CAMTA1: variants seen among roughly 807,000 people sequenced by gnomAD.
CAMTA1 encodes calmodulin-binding transcription activator 1.
CAMTA1 carries 27 observed loss-of-function variants against 170.9 expected under a neutral mutation model. The ratio of observed to expected loss-of-function variants is 0.16; its 90% CI spans 0.12 to 0.22. The LOEUF (loss-of-function observed/expected upper bound fraction) is 0.22. Ranked by LOEUF, CAMTA1 falls within the 10% of genes least tolerant of loss-of-function variation. The pLI is 1.00. For missense variants in CAMTA1, 1,619 were observed against 2,217.2 expected, an observed-to-expected ratio of 0.73 and a Z score of 5.42; for synonymous variants, 833 against 891.5, an observed-to-expected ratio of 0.93 and a Z score of 1.17.
chr1:7,147,567 TCA>T (rs1646283496), intron 4 of CAMTA1, among the ~76,000 whole-genome samples: 1 of 140,934 alleles, frequency 7.1e-6, no homozygotes, highest in Non-Finnish European at 1.5e-5. Flanking sequence ...CAAACATACA[TCA>T]CACACACGCA....
chr1:7,677,613 C>G lies in CAMTA1; in HGVS notation c.2794C>G (p.Leu932Val). Residue 932 changes from leucine (L) to valine (V), a missense_variant, in exon 11 of 23, where the codon CTT becomes GTT. Around this residue, in one of 8 missense-constraint regions of CAMTA1, gnomAD observed 143 missense variants for 184.2 expected, o/e 0.78. Coordinates refer to ENST00000303635, the MANE Select transcript of CAMTA1 (RefSeq NM_015215.4). ...CTCGCTTTCAGCCCATGACACTGGT[C>G]TTGTGACCCTACAAGTTGCCTTCAA... ...RCYCPAHDTG[L>V]VTLQVAFNNQ... 1 of 1,614,084 alleles carries G rather than the reference C, an allele frequency of 6.2e-7. No homozygotes were observed. The highest frequency in any genetic ancestry group is 1.3e-5 in the African/African-American group (1 of 75,058).
chr1:7,383,664 G>C (rs1306313227), intron 5 of CAMTA1, among the ~76,000 whole-genome samples: 1 of 152,170 alleles, frequency 6.6e-6, no homozygotes, highest in East Asian at 1.9e-4. Context: ...TGGTGATCAT[G>C]GTCATGGTGG....
chr1:6,891,804 A>T (rs1674553858), intron 3 of CAMTA1, among the ~76,000 whole-genome samples: 1 of 152,266 alleles, frequency 6.6e-6, no homozygotes, highest in Admixed American at 6.5e-5. Context: ...AAATAGTAGC[A>T]GCTCAGATTT....
intron 3 of CAMTA1, among the ~76,000 whole-genome samples, chr1:7,090,177 A>G (rs747046781): frequency 1.3e-5 from 2 of 152,106 alleles, no homozygotes; most frequent in Admixed American, 6.5e-5. Context: ...TTTGGACTGC[A>G]TGGCATCAGG....
Position 7,511,016 on chromosome 1 carries a change from T to G in CAMTA1, c.510+43115T>G, listed in dbSNP as rs1448489888. On this transcript the variant is annotated intron_variant, in intron 6 of 22. Coordinates refer to ENST00000303635, the MANE Select transcript of CAMTA1 (RefSeq NM_015215.4). The stretch of plus-strand genomic sequence containing the variant: ...CTTCGAGCCTCCCCTCTTTAAACTC[T>G]CCGTGTGTGTTACTCCTTCGGCACT... Among the ~76,000 whole-genome samples the G allele has an allele frequency of 1.4e-5, 2 of 144,598 alleles. 1 individual carries two copies. The highest frequency in any genetic ancestry group is 3.1e-5 in the Non-Finnish European group (2 of 64,552). 94.9% of individuals were successfully genotyped at this position (144,598 alleles called of 152,430 possible).
intron 1 of CAMTA1, among the ~76,000 whole-genome samples, chr1:6,810,602 C>G (rs954518543): frequency 6.6e-6 from 1 of 152,088 alleles, no homozygotes; most frequent in African/African-American, 2.4e-5. Flanking sequence ...GTCAGGAGAT[C>G]GAGACCATCT....
At chr1:7,149,164 T>G (rs1393928180) in intron 4 of CAMTA1, among the ~76,000 whole-genome samples, 1 of 152,208 alleles carries the variant, frequency 6.6e-6, no homozygotes, top group Non-Finnish European at 1.5e-5. Context: ...AAACTGCCAC[T>G]GAGTGGAGAG....
Position 7,565,905 on chromosome 1 carries a change from G to A in CAMTA1, c.511-74495G>A, listed in dbSNP as rs940544686. 1.3e-5 allele frequency among the ~76,000 whole-genome samples: 2 copies of A among 151,466 alleles called. No individual in the cohort carries two copies. The highest frequency in any genetic ancestry group is 2.4e-5 in the African/African-American group (1 of 40,920). ...CTGGCTTGCAGACAGCCGCCTTCTCGCTGTGTCCTCACATAGTAGGGAGAG... is the reference window on the plus strand; with the variant it reads ...CTGGCTTGCAGACAGCCGCCTTCTCACTGTGTCCTCACATAGTAGGGAGAG... On this transcript the variant is annotated intron_variant, in intron 6 of 22. Coordinates refer to ENST00000303635, the MANE Select transcript of CAMTA1 (RefSeq NM_015215.4). This position sits in a 1 kb window ranked among gnomAD's most constrained non-coding sequence, Gnocchi z 4.5.
intron 11 of CAMTA1, among the ~76,000 whole-genome samples, chr1:7,723,547 C>T (rs1273033332): frequency 6.6e-6 from 1 of 152,200 alleles, no homozygotes; most frequent in Non-Finnish European, 1.5e-5. Context: ...GTTGTTGGGA[C>T]TGGACTTAGT....
At chr1:6,842,311 A>C (rs1570771475) in intron 3 of CAMTA1, among the ~76,000 whole-genome samples, 1 of 152,006 alleles carries the variant, frequency 6.6e-6, no homozygotes, top group Non-Finnish European at 1.5e-5. Context: ...GAGTGTAAAA[A>C]CGCCCTCGCC....
chr1:7,477,434 G>A (rs181054201), intron 6 of CAMTA1, among the ~76,000 whole-genome samples: 104 of 152,250 alleles, frequency 6.8e-4, no homozygotes, highest in African/African-American at 2.1e-3. Flanking sequence ...GGGAATTTAC[G>A]GTGCTGTGCA....
At chr1:7,359,967 T>A (rs530175623) in intron 5 of CAMTA1, among the ~76,000 whole-genome samples, 1 of 152,256 alleles carries the variant, frequency 6.6e-6, no homozygotes, top group East Asian at 1.9e-4. Context: ...TGGTTTCTTC[T>A]GAGGCTGGGA....
chr1:7,390,301 C>G (rs1334731145), intron 5 of CAMTA1, among the ~76,000 whole-genome samples: 2 of 152,242 alleles, frequency 1.3e-5, no homozygotes, highest in African/African-American at 4.8e-5. Flanking sequence ...CTCTAAGCAT[C>G]TGACACAGCT....
In CAMTA1 at chr1:7,768,301, G is replaced by T. The variant is rs2097035993; in HGVS notation, c.*1810G>T. 1 of 152,680 alleles carries T rather than the reference G, an allele frequency of 6.5e-6. No individual in the cohort carries two copies. Among genetic ancestry groups the T allele is most frequent in the Admixed American group, 6.5e-5 (1 of 15,268 alleles). The allele number at this position is 152,680 out of a possible 1,614,324, so 9.5% of individuals were successfully genotyped here. On this transcript the variant is annotated 3_prime_UTR_variant, in exon 23 of 23. Coordinates refer to ENST00000303635, the MANE Select transcript of CAMTA1 (RefSeq NM_015215.4). ...TATTTCCACATAATGAGGAGCCAAA[G>T]AAATCTGATGTTTTTAACAATTAAA...
chr1:6,935,120 A>G (rs924486357), intron 3 of CAMTA1, among the ~76,000 whole-genome samples: 5 of 152,238 alleles, frequency 3.3e-5, no homozygotes, highest in African/African-American at 9.6e-5. Context: ...TTTTTATTCT[A>G]GAATTTGATG....
At chr1:7,049,466 T>G (rs1027377423) in intron 3 of CAMTA1, among the ~76,000 whole-genome samples, 5 of 152,116 alleles carry the variant, frequency 3.3e-5, no homozygotes, top group Admixed American at 6.5e-5. Flanking sequence ...TTGTTTGTTT[T>G]TTTGTTTTGA....
rs1269400648 is a variant in CAMTA1 at position 7,673,917 on chromosome 1, AG to A, written c.2779+2884del. Among the ~76,000 whole-genome samples the A allele has an allele frequency of 6.6e-6, 1 of 152,190 alleles. No individual in the cohort carries two copies. Among genetic ancestry groups the A allele is most frequent in the Non-Finnish European group, 1.5e-5 (1 of 68,032 alleles). On this transcript the variant is annotated intron_variant, in intron 10 of 22. Coordinates refer to ENST00000303635, the MANE Select transcript of CAMTA1 (RefSeq NM_015215.4). The surrounding 1 kb of genome is among the most constrained non-coding windows in gnomAD (Gnocchi z 4.6). ...GCTTCTCACCGGGCCCCTGATCGTA[AG>A]GGGCTCTCGGTCCAGGGAGGAGTGC...
intron 3 of CAMTA1, among the ~76,000 whole-genome samples, chr1:6,994,323 G>T (rs900721333): frequency 1.3e-5 from 2 of 152,112 alleles, no homozygotes; most frequent in African/African-American, 2.4e-5. Context: ...TTGGTGTGAA[G>T]AATTTCATTT....
At chr1:7,758,805 G>A (rs1168475420) in intron 22 of CAMTA1, among the ~76,000 whole-genome samples, 1 of 151,740 alleles carries the variant, frequency 6.6e-6, no homozygotes, top group African/African-American at 2.4e-5. Flanking sequence ...TGCGGTGGCG[G>A]GCGCCTGTAG....
Sources: gnomAD v4.1 joint callset for allele counts (sites outside exome capture counted in the v4.1 genomes callset) on GRCh38, gnomAD v4.1.1 for gene constraint, gnomAD v4.1.1 regional missense constraint, Gnocchi (gnomAD v3.1) non-coding constraint, MANE v1.5 for transcripts, NCBI Gene and HGNC (gene_info 2026-07-23, HGNC 2026-07-21) for gene names.